Variants in FANCB observed in about 807,000 individuals in gnomAD.
FANCB encodes the protein Fanconi anemia group B protein.
Under a neutral mutation model 38.9 loss-of-function variants are expected in FANCB, and 5 were observed. That is an observed-to-expected ratio of 0.13 (90% confidence interval 0.07 to 0.27). The LOEUF (loss-of-function observed/expected upper bound fraction) is 0.27. Ranked by LOEUF, FANCB falls within the 10% of genes least tolerant of loss-of-function variation. The pLI, the probability that FANCB is intolerant of heterozygous loss-of-function variation, is 1.00. For synonymous variants in FANCB, 236 were observed against 215.4 expected (o/e 1.10, Z -0.84); for missense variants, 573 against 602.7 (o/e 0.95, Z 0.52).
chrX:14,752,906 A>T, the FANCB span, among the ~76,000 whole-genome samples: 1 of 108,148 alleles, frequency 9.2e-6, no homozygotes, highest in Non-Finnish European at 1.9e-5. Context: ...ATTTTGCCAC[A>T]GCTGCTTTAT....
the FANCB span, among the ~76,000 whole-genome samples, chrX:14,746,731 G>A: frequency 2.7e-5 from 3 of 112,185 alleles, no homozygotes; most frequent in Non-Finnish European, 5.6e-5. Context: ...GTTAAGCAAA[G>A]TATGCAAAAT....
the FANCB span, among the ~76,000 whole-genome samples, chrX:14,810,091 G>C: frequency 3.0e-3 from 331 of 111,871 alleles, 1 homozygote; most frequent in African/African-American, 9.6e-3. Flanking sequence ...TCCAACAGAC[G>C]TGCAGCTGAG....
the FANCB span, among the ~76,000 whole-genome samples, chrX:14,693,499 A>C: frequency 7.1e-5 from 8 of 112,109 alleles, no homozygotes; most frequent in East Asian, 2.2e-3. Flanking sequence ...ATAAAGAAGA[A>C]ATAGACAAAC....
At chrX:14,858,849 A>C (rs1340329733) in intron 4 of FANCB, among the ~76,000 whole-genome samples, 1 of 111,664 alleles carries the variant, frequency 9.0e-6, no homozygotes, top group Non-Finnish European at 1.9e-5. Flanking sequence ...ATTTTGCTTC[A>C]TTTTATTCCT....
At chrX:14,789,786 G>A in the FANCB span, among the ~76,000 whole-genome samples, 4 of 111,908 alleles carry the variant, frequency 3.6e-5, no homozygotes, top group Admixed American at 1.9e-4. Flanking sequence ...CTAATCAGAG[G>A]TAACATGGTG....
chrX:14,818,645 A>T, the FANCB span, among the ~76,000 whole-genome samples: 2 of 111,464 alleles, frequency 1.8e-5, no homozygotes, highest in Non-Finnish European at 3.8e-5. Context: ...AATATAACGC[A>T]TGCCACACAT....
downstream of FANCB, among the ~76,000 whole-genome samples, chrX:14,838,599 T>C (rs1010659296): frequency 9.2e-6 from 1 of 109,204 alleles, no homozygotes; most frequent in African/African-American, 3.5e-5. Flanking sequence ...GTAAGATGAT[T>C]TGATTATTGT....
chrX:14,870,034 T>A (rs1434634598), intron 1 of FANCB, among the ~76,000 whole-genome samples: 2 of 112,384 alleles, frequency 1.8e-5, no homozygotes, highest in African/African-American at 6.5e-5. Context: ...TTTTTAATGT[T>A]TGCTATTTAT....
intron 8 of FANCB, 31 bp downstream of exon 8, chrX:14,844,825 A>G (rs2092369101): frequency 2.6e-6 from 3 of 1,169,270 alleles, no homozygotes; most frequent in Non-Finnish European, 3.5e-6. Context: ...ATTCAATTAA[A>G]TATATAATCT....
At chrX:14,826,482 G>A in the FANCB span, among the ~76,000 whole-genome samples, 1 of 112,605 alleles carries the variant, frequency 8.9e-6, no homozygotes, top group Non-Finnish European at 1.9e-5. Context: ...TAGTGGGAGA[G>A]TATGCCTGTA....
the FANCB span, among the ~76,000 whole-genome samples, chrX:14,754,279 T>C: frequency 8.9e-6 from 1 of 112,157 alleles, no homozygotes. Flanking sequence ...GCCAACAAAT[T>C]GAAAAGTCTA....
chrX:14,779,722 T>C, the FANCB span, among the ~76,000 whole-genome samples: 1 of 107,505 alleles, frequency 9.3e-6, no homozygotes, highest in Non-Finnish European at 1.9e-5. Flanking sequence ...ATTGCGATAA[T>C]AATCAGAAGA....
At chrX:14,796,357 T>C in the FANCB span, among the ~76,000 whole-genome samples, 1 of 99,806 alleles carries the variant, frequency 1.0e-5, no homozygotes. Context: ...ACCAATAGGA[T>C]ATATGTGTAT....
At chrX:14,869,345 G>A (rs1012795912) in intron 1 of FANCB, 1 of 111,838 alleles carries the variant, frequency 8.9e-6, no homozygotes, top group Non-Finnish European at 1.9e-5. Context: ...AATAACTTAA[G>A]TGTGATAGGA....
chrX:14,857,432 T>C (rs2092427695), intron 5 of FANCB, among the ~76,000 whole-genome samples: 1 of 111,936 alleles, frequency 8.9e-6, no homozygotes, highest in Non-Finnish European at 1.9e-5. Flanking sequence ...ACAGGGAATG[T>C]TCATTACCTT....
chrX:14,841,756 T>C (rs1158728821), downstream of FANCB, among the ~76,000 whole-genome samples: 3 of 111,673 alleles, frequency 2.7e-5, no homozygotes, highest in Non-Finnish European at 5.7e-5. Flanking sequence ...CACAACTGAA[T>C]CATGAAAGTG....
At chrX:14,691,001 G>A in the FANCB span, 6 of 565,080 alleles carry the variant, frequency 1.1e-5, no homozygotes, top group Non-Finnish European at 1.4e-5. Context: ...CTGACTTAGT[G>A]CTCAGCTTAG....
the FANCB span, among the ~76,000 whole-genome samples, chrX:14,755,457 G>A: frequency 9.0e-6 from 1 of 111,511 alleles, no homozygotes. Context: ...AAAGTTGCAG[G>A]ATATAAAACC....
chrX:14,788,511 G>T, the FANCB span, among the ~76,000 whole-genome samples: 1 of 111,541 alleles, frequency 9.0e-6, no homozygotes, highest in Admixed American at 9.5e-5. Flanking sequence ...TGGACAGAAA[G>T]GAGCAGGTCC....
Sources: gnomAD v4.1 joint callset for allele counts (sites outside exome capture counted in the v4.1 genomes callset) on GRCh38, gnomAD v4.1.1 for gene constraint, MANE v1.5 for transcripts, NCBI Gene and HGNC (gene_info 2026-07-23, HGNC 2026-07-21) for gene names.